The following AGAP1 variants were observed in gnomAD, a reference collection of about 807,000 sequenced individuals.
AGAP1 encodes arf-GAP with GTPase, ANK repeat and PH domain-containing protein 1.
Under a neutral mutation model 105.3 loss-of-function variants are expected in AGAP1, and 29 were observed. The ratio of observed to expected loss-of-function variants is 0.28; its 90% CI spans 0.21 to 0.38. The LOEUF is 0.38. AGAP1 is among the 10% of genes least tolerant of loss of function. The pLI, the probability that AGAP1 is intolerant of heterozygous loss-of-function variation, is 1.00. For missense variants in AGAP1, 998 were observed against 1,165.1 expected (o/e 0.86, Z 2.09); for synonymous variants, 509 against 485.9 (o/e 1.05, Z -0.63).
At position 236,020,285 on chromosome 2, in the gene AGAP1, C is replaced by G. The variant is rs1209357344; in HGVS notation, c.1646-16276C>G. On this transcript the variant is annotated intron_variant, in intron 13 of 17. Coordinates refer to ENST00000304032, the MANE Select transcript of AGAP1 (RefSeq NM_001037131.3). This position sits in a 1 kb window ranked among gnomAD's most constrained non-coding sequence, Gnocchi z 5.0. Reference sequence around the variant, plus strand: ...CCCAGTACTCAAGCACCCAGATTCTCTCTGTTTTCAAAGAAAATTGCAGTG... The same window carrying G: ...CCCAGTACTCAAGCACCCAGATTCTGTCTGTTTTCAAAGAAAATTGCAGTG... Among the ~76,000 whole-genome samples, 1 of 152,216 alleles carries G rather than the reference C, an allele frequency of 6.6e-6. No homozygotes were observed. The highest frequency in any genetic ancestry group is 1.5e-5 in the Non-Finnish European group (1 of 68,048).
At chr2:235,912,808 G>A (rs1310434212) in intron 11 of AGAP1, among the ~76,000 whole-genome samples, 1 of 152,152 alleles carries the variant, frequency 6.6e-6, no homozygotes, top group Admixed American at 6.5e-5. Context: ...TAATATTATT[G>A]TTAGAATTTA....
rs2052653932 is a variant in AGAP1 at position 235,930,205 on chromosome 2, C to T, written c.1325-560C>T. Reference sequence around the variant, plus strand: ...TTGTTTTTCCTCTGCTTAGTCTTTTCAAGGTTAAGAGTAAACTTATCTGGT... The same window carrying T: ...TTGTTTTTCCTCTGCTTAGTCTTTTTAAGGTTAAGAGTAAACTTATCTGGT... On this transcript the variant is annotated intron_variant, in intron 11 of 17. Transcript: ENST00000304032. This position sits in a 1 kb window ranked among gnomAD's most constrained non-coding sequence, Gnocchi z 7.9. 6.6e-6 allele frequency among the ~76,000 whole-genome samples: 1 copy of T among 151,268 alleles called. No homozygotes were observed. The highest frequency in any genetic ancestry group is 2.4e-5 in the African/African-American group (1 of 41,378).
chr2:235,863,428 A>T (rs2049018592), intron 9 of AGAP1, among the ~76,000 whole-genome samples: 1 of 152,222 alleles, frequency 6.6e-6, no homozygotes. Flanking sequence ...GCCCTACAGA[A>T]CCTTCAAAAT....
intron 1 of AGAP1, among the ~76,000 whole-genome samples, chr2:235,564,088 CTTTACAATTAGCT>C (rs1308860045): frequency 6.6e-6 from 1 of 152,200 alleles, no homozygotes; most frequent in Non-Finnish European, 1.5e-5. Context: ...AGGTCTTCCT[CTTTACAATTAGCT>C]TTTGTCAATG....
intron 13 of AGAP1, among the ~76,000 whole-genome samples, chr2:236,024,109 C>T (rs2056976979): frequency 7.0e-6 from 1 of 142,012 alleles, no homozygotes; most frequent in South Asian, 2.4e-4. Context: ...TGGCTCACTA[C>T]AACCTCCGCC....
At chr2:235,944,034 T>G (rs2125228951) in intron 12 of AGAP1, among the ~76,000 whole-genome samples, 1 of 152,298 alleles carries the variant, frequency 6.6e-6, no homozygotes, top group East Asian at 1.9e-4. Context: ...TTTTACTCTT[T>G]TATATGAGAA....
At chr2:235,945,321 G>A (rs1214648406) in intron 12 of AGAP1, among the ~76,000 whole-genome samples, 1 of 152,084 alleles carries the variant, frequency 6.6e-6, no homozygotes, top group Non-Finnish European at 1.5e-5. Context: ...AGCCAGGATG[G>A]TCTCGATCTC....
At position 236,073,802 on chromosome 2, in the gene AGAP1, T is replaced by C. The variant is rs566550139; in HGVS notation, c.2114+24521T>C. On this transcript the variant is annotated intron_variant, in intron 16 of 17. Coordinates refer to ENST00000304032, the MANE Select transcript of AGAP1 (RefSeq NM_001037131.3). The surrounding 1 kb of genome is among the most constrained non-coding windows in gnomAD (Gnocchi z 5.4). ...GCAAACATGGCTTTACCCCACCGTC[T>C]CCCGTGGCCTTCTCAACACACTTTA... 2.2e-4 allele frequency among the ~76,000 whole-genome samples: 33 copies of C among 152,202 alleles called. No homozygotes were observed. Among genetic ancestry groups the C allele is most frequent in the Admixed American group, 1.7e-3 (26 of 15,292 alleles).
Position 235,908,592 on chromosome 2 carries a change from A to G in AGAP1, c.1156-146A>G. On this transcript the variant is annotated intron_variant, in intron 10 of 17. Coordinates refer to ENST00000304032, the MANE Select transcript of AGAP1 (RefSeq NM_001037131.3). The surrounding 1 kb of genome is among the most constrained non-coding windows in gnomAD (Gnocchi z 4.4). ...ATGATGTTACCAGTACTCTATAGAT[A>G]AAAATCTCATGATTTTTAAAGTACT... is the stretch of plus-strand genomic sequence containing the variant. 1 of 700,590 alleles carries G rather than the reference A, an allele frequency of 1.4e-6. No homozygotes were observed. Among genetic ancestry groups the G allele is most frequent in the Non-Finnish European group, 2.3e-6 (1 of 439,044 alleles). 43.4% of individuals were successfully genotyped at this position (700,590 alleles called of 1,614,324 possible).
rs1022168441 is a variant in AGAP1 at position 236,119,757 on chromosome 2, C to T, written c.2115-435C>T. On this transcript the variant is annotated intron_variant, in intron 16 of 17. Transcript: ENST00000304032. This position sits in a 1 kb window ranked among gnomAD's most constrained non-coding sequence, Gnocchi z 6.6. ...CAGTAGGGTGGTTTCCCCTGTGCATCGGTGTGTGAGAGCCACTGATCCAAG... is the reference window on the plus strand; with the variant it reads ...CAGTAGGGTGGTTTCCCCTGTGCATTGGTGTGTGAGAGCCACTGATCCAAG... Among the ~76,000 whole-genome samples the T allele has an allele frequency of 1.3e-4, 20 of 152,120 alleles. No homozygotes were observed. Among genetic ancestry groups the T allele is most frequent in the East Asian group, 1.2e-3 (6 of 5,184 alleles).
chr2:235,846,984 G>A (rs965049546), intron 9 of AGAP1, among the ~76,000 whole-genome samples: 1 of 152,182 alleles, frequency 6.6e-6, no homozygotes, highest in African/African-American at 2.4e-5. Flanking sequence ...ATCCTAAGAG[G>A]TTAAGAGCTG....
chr2:235,850,444 C>T (rs1273205899), intron 9 of AGAP1, among the ~76,000 whole-genome samples: 1 of 152,216 alleles, frequency 6.6e-6, no homozygotes, highest in Non-Finnish European at 1.5e-5. Flanking sequence ...GTCCTAGCAC[C>T]TCTGCATTAT....
chr2:235,494,929 G>A, intron 1 of AGAP1, 80 bp downstream of exon 1: 5 of 1,369,088 alleles, frequency 3.7e-6, no homozygotes, highest in Non-Finnish European at 4.8e-6. Flanking sequence ...TGTGCGTGCG[G>A]GTGTCCACAC....
intron 16 of AGAP1, among the ~76,000 whole-genome samples, chr2:236,100,379 A>G (rs2059316735): frequency 6.6e-6 from 1 of 152,224 alleles, no homozygotes; most frequent in Admixed American, 6.5e-5. Context: ...AGCTTGTTAA[A>G]TAATAATGCT....
At position 236,001,505 on chromosome 2, in the gene AGAP1, T is replaced by C. The variant is rs2056119549; in HGVS notation, c.1645+32882T>C. The stretch of plus-strand genomic sequence containing the variant: ...CTGCAGGGGCTGAAGTAGGCAGTGG[T>C]GACAGTGGCTTCCCCAGGCATCAGC... On this transcript the variant is annotated intron_variant, in intron 13 of 17. Coordinates refer to ENST00000304032, the MANE Select transcript of AGAP1 (RefSeq NM_001037131.3). The surrounding 1 kb of genome is among the most constrained non-coding windows in gnomAD (Gnocchi z 4.7). Among the ~76,000 whole-genome samples, 1 of 152,026 alleles carries C rather than the reference T, an allele frequency of 6.6e-6. No homozygotes were observed. The highest frequency in any genetic ancestry group is 1.5e-5 in the Non-Finnish European group (1 of 68,002).
rs906932975 is a variant in AGAP1 at position 235,494,759 on chromosome 2, C to T, written c.73C>T (p.Pro25Ser). The T allele has an allele frequency of 1.3e-6, 2 of 1,577,130 alleles. No individual in the cohort carries two copies. Among genetic ancestry groups the T allele is most frequent in the Non-Finnish European group, 1.7e-6 (2 of 1,162,086 alleles). Residue 25 changes from proline to serine, a missense_variant, in exon 1 of 18, where the codon CCC becomes TCC. Coordinates refer to ENST00000304032, the MANE Select transcript of AGAP1 (RefSeq NM_001037131.3). ...AEIQRFESVH[P>S]NIYSIYELLE... ...GATCCAGCGCTTCGAGTCGGTCCAC[C>T]CCAACATCTACTCCATCTACGAGCT...
intron 1 of AGAP1, among the ~76,000 whole-genome samples, chr2:235,653,350 G>A (rs1157497768): frequency 6.6e-6 from 1 of 152,006 alleles, no homozygotes; most frequent in Non-Finnish European, 1.5e-5. Flanking sequence ...TGTGGTCCCA[G>A]CTACTCGGGA....
At chr2:235,580,069 A>T (rs891078662) in intron 1 of AGAP1, among the ~76,000 whole-genome samples, 12 of 152,186 alleles carry the variant, frequency 7.9e-5, no homozygotes, top group Non-Finnish European at 1.8e-4. Context: ...GGGTGGTAGC[A>T]TGCATTGGTG....
rs77329464 is a variant in AGAP1, at chr2:235,865,520, C to T, written c.1051-17825C>T. ...CTGGCACAACGACAGAAATATTACT[C>T]GCCGGAAAGGGGAGGGGGTCTTTGG... On this transcript the variant is annotated intron_variant, in intron 9 of 17. Transcript: ENST00000304032. This position sits in a 1 kb window ranked among gnomAD's most constrained non-coding sequence, Gnocchi z 6.2. Among the ~76,000 whole-genome samples, 2,892 of 152,224 alleles carry T rather than the reference C, an allele frequency of 0.019. 56 individuals carry two copies. Among genetic ancestry groups the T allele is most frequent in the South Asian group, 0.062 (300 of 4,822 alleles).
Sources: allele counts gnomAD v4.1 joint callset (sites outside exome capture counted in the v4.1 genomes callset), GRCh38; gene constraint gnomAD v4.1.1; non-coding constraint Gnocchi (gnomAD v3.1); transcripts MANE v1.5; gene names NCBI Gene and HGNC (gene_info 2026-07-23, HGNC 2026-07-21).